CDC27: variants seen among roughly 807,000 people sequenced by gnomAD.
The protein encoded by CDC27 is cell division cycle 27, also known as cell division cycle protein 27 homolog.
CDC27 carries 27 observed loss-of-function variants against 109.7 expected under a neutral mutation model. That is an observed-to-expected ratio of 0.25 (90% CI 0.18 to 0.34). The LOEUF is 0.34. CDC27 is among the 10% of genes least tolerant of loss of function. The pLI is 1.00. For missense variants in CDC27, 579 were observed against 960.2 expected (o/e 0.60, Z 5.25); for synonymous variants, 266 against 333.9 (o/e 0.80, Z 2.22).
chr17:47,133,969 T>C (rs143903780), intron 14 of CDC27, among the ~76,000 whole-genome samples: 1 of 152,200 alleles, frequency 6.6e-6, no homozygotes, highest in African/African-American at 2.4e-5. Flanking sequence ...CAGGCTGGTC[T>C]TGAACTCCTG....
intron 1 of CDC27, among the ~76,000 whole-genome samples, chr17:47,185,802 T>C (rs921460148): frequency 6.6e-6 from 1 of 152,216 alleles, no homozygotes; most frequent in Non-Finnish European, 1.5e-5. Context: ...TTTCATATTA[T>C]ACATTATAAT....
Position 47,137,144 on chromosome 17 carries a change from C to T in CDC27, c.1913+8G>A, listed in dbSNP as rs112530322. On this transcript the variant is annotated splice_region_variant and intron_variant, in intron 14 of 18. Transcript: ENST00000066544. Reference sequence around the variant, plus strand: ...ACGACTTTGTCTTTGTACTTCATTACCACTTACCATGCATTATAATGTCTA... The same window carrying T: ...ACGACTTTGTCTTTGTACTTCATTATCACTTACCATGCATTATAATGTCTA... 1 of 1,546,068 alleles carries T rather than the reference C, an allele frequency of 6.5e-7. No homozygotes were observed.
At chr17:47,133,107 ATAT>A in intron 14 of CDC27, among the ~76,000 whole-genome samples, 1 of 212 alleles carries the variant, frequency 4.7e-3, no homozygotes, top group Non-Finnish European at 8.5e-3. Context: ...ACAAATATAC[ATAT>A]ATATATATAT....
chr17:47,163,975 G>A (rs2063569221), intron 4 of CDC27, among the ~76,000 whole-genome samples: 1 of 152,188 alleles, frequency 6.6e-6, no homozygotes, highest in African/African-American at 2.4e-5. Flanking sequence ...TGTTGGCCAG[G>A]CTAGTCTCGA....
At chr17:47,141,192 T>C (rs1160042052) in intron 12 of CDC27, among the ~76,000 whole-genome samples, 1 of 152,180 alleles carries the variant, frequency 6.6e-6, no homozygotes, top group Admixed American at 6.5e-5. Context: ...AAACGAATCA[T>C]ATCAACTTTA....
At chr17:47,139,942 C>G (rs1247681516) in intron 12 of CDC27, 1 of 151,030 alleles carries the variant, frequency 6.6e-6, no homozygotes, top group African/African-American at 2.4e-5. Context: ...ATCAATTTAC[C>G]AAGTTCAAAA....
intron 13 of CDC27, 78 bp downstream of exon 13, chr17:47,138,661 G>A: frequency 2.0e-6 from 2 of 982,570 alleles, no homozygotes; most frequent in Non-Finnish European, 1.6e-6. Flanking sequence ...AATAGTGTTT[G>A]AATTGCTTGG....
intron 1 of CDC27, among the ~76,000 whole-genome samples, chr17:47,186,118 C>G (rs1326944702): frequency 1.3e-5 from 2 of 152,218 alleles, no homozygotes; most frequent in African/African-American, 2.4e-5. Context: ...TAACTCTTGT[C>G]TCTTCCTCCC....
chr17:47,149,032 T>G (rs182296265), intron 9 of CDC27, among the ~76,000 whole-genome samples: 2 of 148,268 alleles, frequency 1.3e-5, no homozygotes, highest in East Asian at 4.0e-4. Flanking sequence ...GGAGCCAAGA[T>G]TGTGCCATTG....
intron 14 of CDC27, among the ~76,000 whole-genome samples, chr17:47,133,079 ACACACAAACACACACACAC>A (rs2062430927): frequency 1.4e-5 from 1 of 73,746 alleles, no homozygotes; most frequent in African/African-American, 5.9e-5. Flanking sequence ...ACACACACAC[ACACACAAACACACACACAC>A]AAATATACAT....
chr17:47,174,012 T>C (rs545968424), intron 2 of CDC27, among the ~76,000 whole-genome samples: 2 of 152,254 alleles, frequency 1.3e-5, no homozygotes, highest in Non-Finnish European at 2.9e-5. Context: ...GAGAATCGCC[T>C]GGACCCAGGA....
intron 14 of CDC27, among the ~76,000 whole-genome samples, chr17:47,136,868 A>G (rs1294824855): frequency 1.3e-5 from 2 of 152,224 alleles, no homozygotes; most frequent in East Asian, 3.8e-4. Context: ...AAGTAACAAA[A>G]CTAAACAAAC....
At chr17:47,184,853 A>C (rs942880710) in intron 1 of CDC27, among the ~76,000 whole-genome samples, 7 of 152,188 alleles carry the variant, frequency 4.6e-5, no homozygotes, top group Non-Finnish European at 7.3e-5. Flanking sequence ...TGCCCAACTG[A>C]TGGTGTGGGC....
intron 16 of CDC27, among the ~76,000 whole-genome samples, chr17:47,125,419 G>C (rs1475996651): frequency 6.6e-6 from 1 of 150,770 alleles, no homozygotes; most frequent in Non-Finnish European, 1.5e-5. Context: ...GCTAATTTTT[G>C]TATTTTTAGT....
Position 47,142,439 on chromosome 17 carries a change from G to A in CDC27, c.1171-3C>T. The A allele has an allele frequency of 1.5e-6, 2 of 1,373,298 alleles. No individual in the cohort carries two copies. The highest frequency in any genetic ancestry group is 2.0e-6 in the Non-Finnish European group (2 of 991,252). The allele number at this position is 1,373,298 out of a possible 1,614,324, so 85.1% of individuals were successfully genotyped here. ...ATTTTTAATTTTTTGCTATTCTCCT[G>A]TAAAAGGGAAGAAATTTCACACCTG... On this transcript the variant is annotated splice_region_variant and splice_polypyrimidine_tract_variant and intron_variant, in intron 10 of 18. Coordinates refer to ENST00000066544, the MANE Select transcript of CDC27 (RefSeq NM_001256.6).
intron 8 of CDC27, among the ~76,000 whole-genome samples, chr17:47,152,440 G>T (rs1199176216): frequency 6.6e-6 from 1 of 151,962 alleles, no homozygotes; most frequent in Non-Finnish European, 1.5e-5. Flanking sequence ...TAAGGATATT[G>T]TTCTTTAGAG....
rs2062607506 is a variant in CDC27 at position 47,136,687 on chromosome 17, T to TAA, written c.1913+463_1913+464dup. On this transcript the variant is annotated intron_variant, in intron 14 of 18. Transcript: ENST00000066544. ...GATACTGCTAAATAAAAGGGTACAC[T>TAA]AAGTTCTTAATAGTAACTCAATAAA... is the stretch of plus-strand genomic sequence containing the variant. 5.3e-5 allele frequency among the ~76,000 whole-genome samples: 8 copies of TAA among 152,310 alleles called. No individual in the cohort carries two copies. The South Asian group carries it at 1.5e-3, about 28-fold the overall frequency.
chr17:47,155,048 G>A (rs2063260868), intron 7 of CDC27, among the ~76,000 whole-genome samples: 1 of 152,058 alleles, frequency 6.6e-6, no homozygotes, highest in East Asian at 1.9e-4. Flanking sequence ...ATAAAGAAGA[G>A]TAGCTTTATA....
chr17:47,181,390 AAGT>A, intron 2 of CDC27, 169 bp downstream of exon 2: 1 of 402,390 alleles, frequency 2.5e-6, no homozygotes, highest in East Asian at 3.6e-5. Context: ...TAGTTATTAA[AAGT>A]AGTATGTAAG....
Sources: gnomAD v4.1 joint callset for allele counts (sites outside exome capture counted in the v4.1 genomes callset) on GRCh38, gnomAD v4.1.1 for gene constraint, MANE v1.5 for transcripts, NCBI Gene and HGNC (gene_info 2026-07-23, HGNC 2026-07-21) for gene names.